ACTR3C: variants seen among roughly 807,000 people sequenced by gnomAD.
ACTR3C encodes the protein actin related protein 3C, also known as actin-related protein 3C.
A neutral mutation model predicts 26.3 loss-of-function variants in ACTR3C; 18 were observed. The ratio of observed to expected loss-of-function variants is 0.68; its 90% CI spans 0.47 to 1.01. ACTR3C has a LOEUF of 1.01. Ranked by LOEUF, ACTR3C falls within the 50% of genes least tolerant of loss-of-function variation. The pLI, the probability that ACTR3C is intolerant of heterozygous loss-of-function variation, is 0.00. For missense variants in ACTR3C, 184 were observed against 250.7 expected (o/e 0.73, Z 1.80); for synonymous variants, 55 against 94.5 (o/e 0.58, Z 2.42).
At chr7:150,160,661 T>G in the ACTR3C span, among the ~76,000 whole-genome samples, 1 of 151,944 alleles carries the variant, frequency 6.6e-6, no homozygotes, top group Non-Finnish European at 1.5e-5. Context: ...GAAGGCATTA[T>G]ATAAGGATTG....
chr7:150,076,650 C>G, the ACTR3C span: 2 of 152,166 alleles, frequency 1.3e-5, no homozygotes, highest in Non-Finnish European at 2.9e-5. Flanking sequence ...AGAATAATCA[C>G]AACTTCAAAG....
At chr7:149,956,636 A>G in the ACTR3C span, among the ~76,000 whole-genome samples, 49 of 152,230 alleles carry the variant, frequency 3.2e-4, 1 homozygote, top group South Asian at 9.6e-3. Context: ...TGCAAACAGA[A>G]CCATGGTTGT....
intron 6 of ACTR3C, among the ~76,000 whole-genome samples, chr7:150,273,808 G>A (rs1218698156): frequency 6.6e-6 from 1 of 151,374 alleles, no homozygotes; most frequent in Non-Finnish European, 1.5e-5. Flanking sequence ...GAGCATCTCT[G>A]AGGGATGTCT....
the ACTR3C span, among the ~76,000 whole-genome samples, chr7:150,159,047 C>CA: frequency 0.68 from 101,526 of 149,036 alleles, 34,819 homozygotes; most frequent in East Asian, 0.82. Context: ...CAGGCACACA[C>CA]CGTGGCAACA....
At chr7:150,132,869 C>T in the ACTR3C span, among the ~76,000 whole-genome samples, 1 of 152,238 alleles carries the variant, frequency 6.6e-6, no homozygotes, top group African/African-American at 2.4e-5. Context: ...CAATGGTGAA[C>T]TGGATGAAGA....
intron 1 of ACTR3C, among the ~76,000 whole-genome samples, chr7:150,319,319 T>C (rs1238701162): frequency 2.0e-5 from 3 of 152,098 alleles, no homozygotes; most frequent in Non-Finnish European, 4.4e-5. Context: ...GCGATTCTCC[T>C]GCCTTGGCCT....
intron 6 of ACTR3C, among the ~76,000 whole-genome samples, chr7:150,266,060 T>C (rs1834013198): frequency 6.7e-6 from 1 of 148,608 alleles, no homozygotes. Flanking sequence ...AAGGCATTTT[T>C]TTTCTCTCCA....
chr7:149,933,304 A>G, the ACTR3C span, among the ~76,000 whole-genome samples: 1 of 151,504 alleles, frequency 6.6e-6, no homozygotes, highest in African/African-American at 2.4e-5. Context: ...ATAAGGAAGC[A>G]TCATTGCACT....
the ACTR3C span, among the ~76,000 whole-genome samples, chr7:150,005,654 C>T: frequency 5.2e-3 from 791 of 152,212 alleles, 15 homozygotes; most frequent in African/African-American, 0.018. Context: ...GGGGCCCTTT[C>T]TTAGGGACCT....
chr7:150,136,029 C>T, the ACTR3C span, among the ~76,000 whole-genome samples: 1 of 152,000 alleles, frequency 6.6e-6, no homozygotes, highest in African/African-American at 2.4e-5. Flanking sequence ...AGGATGTTGG[C>T]GCCGGTGGCC....
At chr7:150,239,538 CTCTATA>C (rs1223131213), downstream of ACTR3C, among the ~76,000 whole-genome samples, 251 of 104,214 alleles carry the variant, frequency 2.4e-3, 9 homozygotes, top group East Asian at 0.013. Flanking sequence ...CTCTCTCTCT[CTCTATA>C]TATATATATA....
chr7:149,910,719 T>G, the ACTR3C span, among the ~76,000 whole-genome samples: 1 of 152,166 alleles, frequency 6.6e-6, no homozygotes, highest in Non-Finnish European at 1.5e-5. Flanking sequence ...TGCTTAATAT[T>G]AAATTTTTGA....
intron 1 of ACTR3C, among the ~76,000 whole-genome samples, chr7:150,318,129 C>T (rs950468186): frequency 5.3e-5 from 8 of 152,192 alleles, no homozygotes; most frequent in African/African-American, 1.9e-4. Flanking sequence ...TAGAGTGAGG[C>T]TAAAGCTATG....
chr7:150,233,906 C>T, the ACTR3C span, among the ~76,000 whole-genome samples: 12 of 152,198 alleles, frequency 7.9e-5, no homozygotes, highest in Admixed American at 1.3e-4. Context: ...AAAACCCATA[C>T]ATAATATATT....
the ACTR3C span, among the ~76,000 whole-genome samples, chr7:150,168,824 G>A: frequency 6.6e-6 from 1 of 150,808 alleles, no homozygotes; most frequent in Non-Finnish European, 1.5e-5. Context: ...CCTGAGGACC[G>A]GGCAGTGGGA....
At chr7:150,033,726 AG>A in the ACTR3C span, among the ~76,000 whole-genome samples, 1 of 141,878 alleles carries the variant, frequency 7.0e-6, no homozygotes, top group Non-Finnish European at 1.5e-5. Flanking sequence ...GGGGCGGAAG[AG>A]GGGATAGCTC....
chr7:150,035,565 CG>C, the ACTR3C span, among the ~76,000 whole-genome samples: 1 of 81,038 alleles, frequency 1.2e-5, no homozygotes, highest in South Asian at 3.7e-4. Context: ...TCCGCAGAGC[CG>C]GGGGGGAAGA....
the ACTR3C span, among the ~76,000 whole-genome samples, chr7:149,962,058 C>T: frequency 6.6e-6 from 1 of 152,086 alleles, no homozygotes; most frequent in Non-Finnish European, 1.5e-5. Flanking sequence ...TGAGAGCTCA[C>T]AGGAAGTGTA....
At chr7:150,216,317 C>T in the ACTR3C span, among the ~76,000 whole-genome samples, 1 of 152,092 alleles carries the variant, frequency 6.6e-6, no homozygotes, top group East Asian at 1.9e-4. Flanking sequence ...ATTTTCTTAA[C>T]AATTATATGA....
Sources: allele counts gnomAD v4.1 joint callset (sites outside exome capture counted in the v4.1 genomes callset), GRCh38; gene constraint gnomAD v4.1.1; transcripts MANE v1.5; gene names NCBI Gene and HGNC (gene_info 2026-07-23, HGNC 2026-07-21).